Variants in NAV2 observed in about 807,000 individuals in gnomAD.
NAV2 encodes helicase, APC down-regulated 1.
A neutral mutation model predicts 223.2 loss-of-function variants in NAV2; 54 were observed. The observed-to-expected ratio is 0.24, with a 90% CI of 0.19 to 0.30. The LOEUF (loss-of-function observed/expected upper bound fraction) is 0.30. NAV2 is among the 10% of genes least tolerant of loss of function. The pLI is 1.00. For missense variants in NAV2, 2,806 were observed against 3,147.5 expected (o/e 0.89, Z 2.60); for synonymous variants, 1,279 against 1,239.3 (o/e 1.03, Z -0.67).
intron 1 of NAV2, among the ~76,000 whole-genome samples, chr11:19,783,464 A>G (rs543036700): frequency 2.0e-5 from 3 of 152,304 alleles, no homozygotes; most frequent in Admixed American, 6.5e-5. Context: ...GCTCAGATTG[A>G]GTCCCCTTTT....
chr11:19,633,454 A>G (rs893971750), intron 1 of NAV2, among the ~76,000 whole-genome samples: 2 of 152,266 alleles, frequency 1.3e-5, no homozygotes, highest in East Asian at 1.9e-4. Context: ...ACAGCCCAGG[A>G]GGCCTGGTCA....
At chr11:19,910,168 C>T (rs1395583508) in intron 6 of NAV2, among the ~76,000 whole-genome samples, 2 of 152,196 alleles carry the variant, frequency 1.3e-5, no homozygotes, top group Non-Finnish European at 2.9e-5. Flanking sequence ...AACGGGCCTA[C>T]ATTATGCAGC....
intron 1 of NAV2, among the ~76,000 whole-genome samples, chr11:19,681,834 G>A (rs2048887948): frequency 6.6e-6 from 1 of 152,228 alleles, no homozygotes; most frequent in Admixed American, 6.5e-5. Context: ...ACATCTGAAT[G>A]GAATTCCTGT....
chr11:19,885,954 A>G (rs2040931015), intron 5 of NAV2, among the ~76,000 whole-genome samples: 1 of 152,062 alleles, frequency 6.6e-6, no homozygotes, highest in African/African-American at 2.4e-5. Context: ...CCCAGGCTGG[A>G]GTGCAGATGC....
At chr11:19,414,956 G>A (rs1233301228) in intron 1 of NAV2, among the ~76,000 whole-genome samples, 1 of 152,110 alleles carries the variant, frequency 6.6e-6, no homozygotes, top group East Asian at 1.9e-4. Flanking sequence ...GTGTTTAGAG[G>A]GAAATTTATA....
chr11:19,515,121 C>T (rs1174071587), intron 1 of NAV2, among the ~76,000 whole-genome samples: 1 of 152,204 alleles, frequency 6.6e-6, no homozygotes, highest in African/African-American at 2.4e-5. Flanking sequence ...GTCTCCTCAT[C>T]TGTAGAATGG....
intron 1 of NAV2, among the ~76,000 whole-genome samples, chr11:19,831,223 C>CGGTGGGG (rs1555083701): frequency 1.1e-3 from 1 of 870 alleles, no homozygotes; most frequent in Non-Finnish European, 2.7e-3. Context: ...AGGAGTGTTG[C>CGGTGGGG]GGGGGGGGGG....
At chr11:19,644,772 G>A (rs1456787024) in intron 1 of NAV2, among the ~76,000 whole-genome samples, 1 of 152,242 alleles carries the variant, frequency 6.6e-6, no homozygotes, top group Admixed American at 6.5e-5. Context: ...CAGCAGAGAT[G>A]AGATCTGAAA....
intron 22 of NAV2, among the ~76,000 whole-genome samples, chr11:20,071,257 C>G (rs1267116826): frequency 6.6e-6 from 1 of 152,088 alleles, no homozygotes; most frequent in Non-Finnish European, 1.5e-5. Flanking sequence ...ATGATGGTTT[C>G]CAGCTTCATC....
intron 1 of NAV2, among the ~76,000 whole-genome samples, chr11:19,472,199 G>A (rs777595077): frequency 6.6e-6 from 1 of 152,124 alleles, no homozygotes; most frequent in African/African-American, 2.4e-5. Flanking sequence ...TAAGCTGGAG[G>A]TATAGACAGG....
chr11:19,754,825 C>A (rs1455782927), intron 1 of NAV2, among the ~76,000 whole-genome samples: 1 of 152,186 alleles, frequency 6.6e-6, no homozygotes, highest in African/African-American at 2.4e-5. Context: ...TGAAAATATC[C>A]ATTAGAGGTT....
intron 34 of NAV2, 68 bp from the exon 35 acceptor site, chr11:20,105,463 G>T: frequency 7.4e-7 from 1 of 1,359,484 alleles, no homozygotes; most frequent in Non-Finnish European, 1.0e-6. Context: ...AACGTGCTTT[G>T]GTTCCTGAGG....
chr11:19,606,487 C>T (rs1429474613), intron 1 of NAV2, among the ~76,000 whole-genome samples: 1 of 152,148 alleles, frequency 6.6e-6, no homozygotes, highest in Non-Finnish European at 1.5e-5. Flanking sequence ...CCACTTTTTT[C>T]TCCCTTAACC....
chr11:19,354,363 C>T (rs1344325537), intron 1 of NAV2, among the ~76,000 whole-genome samples: 1 of 152,142 alleles, frequency 6.6e-6, no homozygotes. Context: ...CTAGTGTGGC[C>T]AAATTTTAAA....
At chr11:20,059,249 C>T (rs1204835372) in intron 19 of NAV2, among the ~76,000 whole-genome samples, 3 of 152,118 alleles carry the variant, frequency 2.0e-5, no homozygotes, top group South Asian at 2.1e-4. Context: ...AGAAGTAGAT[C>T]GTGATGCCTA....
At chr11:19,442,447 G>A (rs1851439385) in intron 1 of NAV2, among the ~76,000 whole-genome samples, 2 of 152,228 alleles carry the variant, frequency 1.3e-5, no homozygotes, top group South Asian at 4.1e-4. Context: ...CAAAACCAAA[G>A]GTGAAATGAC....
chr11:19,590,168 G>A (rs1322316598), intron 1 of NAV2, among the ~76,000 whole-genome samples: 2 of 152,160 alleles, frequency 1.3e-5, no homozygotes, highest in Admixed American at 6.5e-5. Context: ...GAGCTGCTGC[G>A]AGGATTAGAT....
At chr11:19,950,529 T>A (rs1022775386) in intron 10 of NAV2, among the ~76,000 whole-genome samples, 6 of 152,286 alleles carry the variant, frequency 3.9e-5, no homozygotes, top group African/African-American at 1.4e-4. Flanking sequence ...AAAATGAATT[T>A]GATTTTTCTC....
At chr11:19,477,313 C>A (rs2632032) in intron 1 of NAV2, among the ~76,000 whole-genome samples, 7 of 152,160 alleles carry the variant, frequency 4.6e-5, no homozygotes, top group Non-Finnish European at 1.0e-4. Flanking sequence ...TACATTACAC[C>A]AAAACCTCCT....
Sources: gnomAD v4.1 joint callset for allele counts (sites outside exome capture counted in the v4.1 genomes callset) on GRCh38, gnomAD v4.1.1 for gene constraint, MANE v1.5 for transcripts, NCBI Gene and HGNC (gene_info 2026-07-23, HGNC 2026-07-21) for gene names.